The following OSER1 variants were observed in gnomAD, a reference collection of about 807,000 sequenced individuals.
The protein encoded by OSER1 is oxidative stress-responsive serine-rich protein 1.
Under a neutral mutation model 26.3 loss-of-function variants are expected in OSER1, and 15 were observed. The observed-to-expected ratio is 0.57, with a 90% CI of 0.38 to 0.88. The LOEUF (loss-of-function observed/expected upper bound fraction) is 0.88. OSER1 is among the 40% of genes least tolerant of loss of function. The probability of loss-of-function intolerance (pLI) is 0.00; values close to 1 mark genes in which losing one functional copy is unlikely to be tolerated. For synonymous variants in OSER1, 127 were observed against 128.2 expected, an observed-to-expected ratio of 0.99 and a Z score of 0.07; for missense variants, 313 against 353.9, an observed-to-expected ratio of 0.88 and a Z score of 0.93.
rs1005681985 is a variant in OSER1, at chr20:44,210,743, G to A, written c.-89C>T. On this transcript the variant is annotated 5_prime_UTR_variant, in exon 1 of 4. Coordinates refer to ENST00000255174, the MANE Select transcript of OSER1 (RefSeq NM_016470.8). ...GGTGATGCGGGGCAGTCAGTTCAGA[G>A]CGTCTCTCCCAAATCTCGGCACCCG... is the stretch of plus-strand genomic sequence containing the variant. 2.0e-5 allele frequency: 3 copies of A among 152,378 alleles called. No homozygotes were observed. The highest frequency in any genetic ancestry group is 6.5e-5 in the Admixed American group (1 of 15,288). 9.4% of individuals were successfully genotyped at this position (152,378 alleles called of 1,614,324 possible). A position where few individuals can be genotyped will look rare whatever the true frequency, so the allele number is the denominator to read the frequency against.
At chr20:44,206,401 G>A (rs1371351918) in intron 2 of OSER1, among the ~76,000 whole-genome samples, 1 of 152,166 alleles carries the variant, frequency 6.6e-6, no homozygotes, top group African/African-American at 2.4e-5. Context: ...TTTGGCCAAA[G>A]GGTCCAAGGT....
chr20:44,197,766 A>C (rs116307361), intron 3 of OSER1, 27 bp from the exon 4 acceptor site: 2 of 1,492,344 alleles, frequency 1.3e-6, no homozygotes, highest in Admixed American at 1.7e-5. Flanking sequence ...ATATACAAGA[A>C]GATGTTGGGA....
chr20:44,199,505 TCA>T (rs1380701229), intron 3 of OSER1, among the ~76,000 whole-genome samples: 1 of 152,212 alleles, frequency 6.6e-6, no homozygotes, highest in Non-Finnish European at 1.5e-5. Context: ...TCTCAGGTAT[TCA>T]GTTACAGCAA....
chr20:44,200,474 T>C (rs1456012464), intron 3 of OSER1, among the ~76,000 whole-genome samples: 1 of 152,188 alleles, frequency 6.6e-6, no homozygotes, highest in Non-Finnish European at 1.5e-5. Flanking sequence ...CCTTGAATTT[T>C]TGCTTCTTGG....
At chr20:44,199,034 G>A (rs908495214) in intron 3 of OSER1, among the ~76,000 whole-genome samples, 5 of 152,176 alleles carry the variant, frequency 3.3e-5, no homozygotes, top group Admixed American at 1.3e-4. Context: ...TGGTACTGCA[G>A]TGCTTGTGTT....
intron 1 of OSER1, 115 bp from the exon 2 acceptor site, chr20:44,207,113 G>A: frequency 1.8e-6 from 1 of 561,914 alleles, no homozygotes; most frequent in Non-Finnish European, 3.2e-6. Context: ...AAGTTTCAGT[G>A]TAGATAACTG....
intron 3 of OSER1, among the ~76,000 whole-genome samples, chr20:44,200,244 G>A (rs963267599): frequency 2.0e-5 from 3 of 152,224 alleles, no homozygotes; most frequent in Non-Finnish European, 4.4e-5. Context: ...GGAGAAAAGA[G>A]CATGCTGAGA....
chr20:44,205,253 C>T (rs1333831582), intron 2 of OSER1, among the ~76,000 whole-genome samples: 1 of 152,172 alleles, frequency 6.6e-6, no homozygotes, highest in East Asian at 1.9e-4. Context: ...GTACACATTC[C>T]TAGTATTTTC....
intron 3 of OSER1, among the ~76,000 whole-genome samples, chr20:44,202,415 C>A (rs2072992781): frequency 6.6e-6 from 1 of 151,686 alleles, no homozygotes; most frequent in African/African-American, 2.4e-5. Context: ...GACACACAAG[C>A]GAAACACTAA....
intron 1 of OSER1, 108 bp downstream of exon 1, chr20:44,210,588 G>C (rs1345109977): frequency 6.6e-6 from 1 of 152,310 alleles, no homozygotes; most frequent in African/African-American, 2.4e-5. Context: ...GTCGGGAGAC[G>C]ACGCGACCCA....
Position 44,197,437 on chromosome 20 carries a change from TCTTC to T in OSER1, c.490_493del (p.Glu164ThrfsTer27). 6.2e-7 allele frequency: 1 copy of T among 1,613,978 alleles called. No homozygotes were observed. The highest frequency in any genetic ancestry group is 8.5e-7 in the Non-Finnish European group (1 of 1,179,968). On this transcript the variant is annotated frameshift_variant, in exon 4 of 4. Coordinates refer to ENST00000255174, the MANE Select transcript of OSER1 (RefSeq NM_016470.8). LOFTEE classifies it high-confidence loss of function. Reference sequence around the variant, plus strand: ...GGGGACTTGGGTAGCGTCAGAGGAGTCTTCCTTCTTACTCTCTGATGGGAGCCTT... The same window carrying T: ...GGGGACTTGGGTAGCGTCAGAGGAGTCTTCTTACTCTCTGATGGGAGCCTT...
chr20:44,199,845 G>C (rs1037084046), intron 3 of OSER1, among the ~76,000 whole-genome samples: 26 of 152,228 alleles, frequency 1.7e-4, no homozygotes, highest in Non-Finnish European at 2.9e-5. Flanking sequence ...GGCGTCCACT[G>C]GGGTTCTTGG....
chr20:44,197,768 A>C, intron 3 of OSER1, 29 bp from the exon 4 acceptor site: 1 of 1,444,924 alleles, frequency 6.9e-7, no homozygotes, highest in Non-Finnish European at 9.6e-7. Context: ...ATACAAGAAG[A>C]TGTTGGGATA....
chr20:44,197,705 T>A lies in OSER1; in HGVS notation c.226A>T (p.Thr76Ser). ...GACTTAGAACGTCGACGACGCTGAG[T>A]TCTCACTGCTCCTCGTGAAGACTTC... ...TRKSSRGAVRTQRRRRSKSPV... is the reference protein window; with the variant it reads ...TRKSSRGAVRSQRRRRSKSPV... Residue 76 changes from threonine to serine, a missense_variant, in exon 4 of 4, where the codon ACT becomes TCT. Physicochemically the swap from Thr to Ser is moderately conservative, Grantham distance 58 (BLOSUM62 1). This residue lies in a region of OSER1 where 300 missense variants were observed against 318.3 expected (regional missense o/e 0.94). Transcript: ENST00000255174. The A allele has an allele frequency of 6.2e-7, 1 of 1,613,512 alleles. No individual in the cohort carries two copies. Among genetic ancestry groups the A allele is most frequent in the Non-Finnish European group, 8.5e-7 (1 of 1,179,518 alleles).
chr20:44,206,640 C>T (rs532040964), intron 2 of OSER1, among the ~76,000 whole-genome samples: 63 of 152,248 alleles, frequency 4.1e-4, no homozygotes, highest in East Asian at 2.1e-3. Context: ...TCAAAGTGAA[C>T]GAAACCAAAA....
intron 3 of OSER1, 118 bp from the exon 4 acceptor site, chr20:44,197,857 T>C (rs189075226): frequency 4.6e-6 from 3 of 648,742 alleles, no homozygotes; most frequent in Admixed American, 5.9e-5. Flanking sequence ...GCTCATAAAT[T>C]TCCTGCAAGA....
At chr20:44,202,927 T>G (rs2072997800) in intron 3 of OSER1, 34 bp downstream of exon 3, 1 of 1,187,554 alleles carries the variant, frequency 8.4e-7, no homozygotes. Flanking sequence ...ATTATAATAT[T>G]GGAATAAAAA....
Position 44,197,078 on chromosome 20 carries a change from G to A in OSER1, c.853C>T (p.His285Tyr), listed in dbSNP as rs759006590. 6.2e-7 allele frequency: 1 copy of A among 1,611,338 alleles called. No individual in the cohort carries two copies. The highest frequency in any genetic ancestry group is 1.1e-5 in the South Asian group (1 of 91,024). ...YYLYIPKKMS[H>Y]MAEMMYT ...CAGGTGTACATCATTTCTGCCATGT[G>A]GGACATTTTCTTGGGAATATACAAG... The change falls in exon 4 of 4, where the codon CAC (histidine) becomes TAC (tyrosine). Residue 285 changes from histidine to tyrosine, a missense_variant. Coordinates refer to ENST00000255174, the MANE Select transcript of OSER1 (RefSeq NM_016470.8).
At chr20:44,209,747 C>G (rs1476489063) in intron 1 of OSER1, among the ~76,000 whole-genome samples, 3 of 152,180 alleles carry the variant, frequency 2.0e-5, no homozygotes. Context: ...GGATGCGTCA[C>G]AATCTTATTT....
Sources: allele counts gnomAD v4.1 joint callset (sites outside exome capture counted in the v4.1 genomes callset), GRCh38; gene constraint gnomAD v4.1.1; regional missense constraint gnomAD v4.1.1; transcripts MANE v1.5; gene names NCBI Gene and HGNC (gene_info 2026-07-23, HGNC 2026-07-21).